GPR149: variants seen among roughly 807,000 people sequenced by gnomAD.
GPR149 encodes G protein-coupled receptor 149, also known as probable G protein-coupled receptor 149.
GPR149 carries 50 observed loss-of-function variants against 50.2 expected under a neutral mutation model. That is an observed-to-expected ratio of 1.00 (90% CI 0.79 to 1.26). The LOEUF is 1.26. Ranked by LOEUF, GPR149 falls within the 50% of genes most tolerant of loss-of-function variation. The pLI, the probability that GPR149 is intolerant of heterozygous loss-of-function variation, is 0.00. For missense variants in GPR149, 983 were observed against 895.4 expected (o/e 1.10, Z -1.25); for synonymous variants, 405 against 358.2 (o/e 1.13, Z -1.48).
intron 3 of GPR149, among the ~76,000 whole-genome samples, chr3:154,392,000 A>G (rs917579429): frequency 1.3e-5 from 2 of 151,572 alleles, no homozygotes; most frequent in Non-Finnish European, 3.0e-5. Flanking sequence ...CCAACATCAG[A>G]GCACTTAAAT....
At chr3:154,369,539 C>T (rs890298144) in intron 3 of GPR149, among the ~76,000 whole-genome samples, 7 of 152,170 alleles carry the variant, frequency 4.6e-5, no homozygotes, top group African/African-American at 9.7e-5. Flanking sequence ...CTCCTCCATC[C>T]GGTCCCACCG....
In GPR149 at chr3:154,382,249, T is replaced by C. The variant is rs190755429; in HGVS notation, c.1623+38790A>G. ...AGAGGAGTTGGGTCTTAGAGCTATGTGGCACCATTTGGGTAGGGCAAGGCA... is the reference window on the plus strand; with the variant it reads ...AGAGGAGTTGGGTCTTAGAGCTATGCGGCACCATTTGGGTAGGGCAAGGCA... On this transcript the variant is annotated intron_variant, in intron 3 of 3. Transcript: ENST00000389740. 4.7e-3 allele frequency among the ~76,000 whole-genome samples: 721 copies of C among 152,286 alleles called. 23 individuals carry two copies. Among genetic ancestry groups the C allele is most frequent in the Admixed American group, 0.044 (666 of 15,292 alleles).
At chr3:154,418,396 C>G (rs1350270572) in intron 3 of GPR149, among the ~76,000 whole-genome samples, 1 of 112,076 alleles carries the variant, frequency 8.9e-6, no homozygotes, top group African/African-American at 4.0e-5. Context: ...TTCACAATAG[C>G]AAAGACTTGG....
At chr3:154,365,205 G>T (rs1714501851) in intron 3 of GPR149, among the ~76,000 whole-genome samples, 1 of 152,158 alleles carries the variant, frequency 6.6e-6, no homozygotes, top group Non-Finnish European at 1.5e-5. Flanking sequence ...CCCCACAGCT[G>T]GGAGCAGTTC....
At chr3:154,373,847 A>G (rs999343173) in intron 3 of GPR149, among the ~76,000 whole-genome samples, 3 of 152,212 alleles carry the variant, frequency 2.0e-5, no homozygotes, top group African/African-American at 7.2e-5. Context: ...AATAGAGTAA[A>G]TGATTGTTCA....
At chr3:154,354,309 G>C in intron 3 of GPR149, 1 of 313,792 alleles carries the variant, frequency 3.2e-6, no homozygotes, top group South Asian at 3.4e-5. Context: ...TATAAGGGAA[G>C]TACAGGTCTA....
chr3:154,393,970 T>C (rs979519027), intron 3 of GPR149, among the ~76,000 whole-genome samples: 4 of 152,120 alleles, frequency 2.6e-5, no homozygotes, highest in Middle Eastern at 3.4e-3. Flanking sequence ...TTAATATTGT[T>C]AAAATGTCTA....
intron 3 of GPR149, chr3:154,352,400 A>G (rs1714102069): frequency 1.9e-6 from 2 of 1,031,620 alleles, no homozygotes; most frequent in South Asian, 2.6e-5. Flanking sequence ...TCCAGTTGGA[A>G]TCGTGCCACA....
chr3:154,366,684 C>G (rs546399579), intron 3 of GPR149, among the ~76,000 whole-genome samples: 2 of 152,342 alleles, frequency 1.3e-5, no homozygotes, highest in South Asian at 4.1e-4. Context: ...CCAGTCAGAA[C>G]ATCTTTGAAT....
intron 3 of GPR149, among the ~76,000 whole-genome samples, chr3:154,340,217 C>A (rs994200963): frequency 7.2e-5 from 11 of 152,108 alleles, no homozygotes; most frequent in Non-Finnish European, 1.5e-4. Flanking sequence ...CATAAGGAGA[C>A]CTAGGAACCT....
intron 3 of GPR149, among the ~76,000 whole-genome samples, chr3:154,409,137 T>C (rs1711770112): frequency 6.6e-6 from 1 of 152,124 alleles, no homozygotes; most frequent in Admixed American, 6.5e-5. Context: ...AAACAATCAC[T>C]ACAGTTTGGC....
At chr3:154,355,090 C>T (rs1225844688) in intron 3 of GPR149, among the ~76,000 whole-genome samples, 2 of 152,050 alleles carry the variant, frequency 1.3e-5, no homozygotes, top group Admixed American at 6.6e-5. Flanking sequence ...TGCAGTGGCG[C>T]GATGTTGGCT....
At chr3:154,413,442 C>G (rs770288744) in intron 3 of GPR149, among the ~76,000 whole-genome samples, 26 of 151,674 alleles carry the variant, frequency 1.7e-4, no homozygotes, top group Non-Finnish European at 3.4e-4. Context: ...ACAAAGAACT[C>G]AAATAGGTCA....
At chr3:154,408,452 G>A (rs1247396439) in intron 3 of GPR149, among the ~76,000 whole-genome samples, 2 of 152,218 alleles carry the variant, frequency 1.3e-5, no homozygotes, top group Non-Finnish European at 2.9e-5. Context: ...GTCACTGGCT[G>A]CCTGGAAATA....
rs143552343 is a variant in GPR149 at position 154,377,515 on chromosome 3, C to T, written c.1624-39244G>A. Among the ~76,000 whole-genome samples, 769 of 151,898 alleles carry T rather than the reference C, an allele frequency of 5.1e-3. 5 individuals are homozygous for T. The highest frequency in any genetic ancestry group is 9.6e-3 in the Admixed American group (147 of 15,246). On this transcript the variant is annotated intron_variant, in intron 3 of 3. Transcript: ENST00000389740. ...CTGAGTGGCTGGGACTACAGGCGTG[C>T]GCCACCATGCCTAGCTAATTTTTGT...
At chr3:154,340,110 T>C (rs940659813) in intron 3 of GPR149, among the ~76,000 whole-genome samples, 3 of 151,994 alleles carry the variant, frequency 2.0e-5, no homozygotes, top group African/African-American at 7.2e-5. Flanking sequence ...ACTTCTTGAA[T>C]TGAGAGACTA....
In GPR149 at chr3:154,337,958, T is replaced by G. The variant is rs1402073288; in HGVS notation, c.1937A>C (p.Gln646Pro). The change falls in exon 4 of 4, where the codon CAA (glutamine) becomes CCA (proline). Residue 646 changes from glutamine to proline, a missense_variant. Transcript: ENST00000389740. ...IISNISQSST[Q>P]VRSPSLRYSR... ...GTAACGTAGGGATGGAGATCTGACT[T>G]GTGTGGAGGACTGACTGATGTTACT... 1 of 1,613,958 alleles carries G rather than the reference T, an allele frequency of 6.2e-7. No homozygotes were observed. Among genetic ancestry groups the G allele is most frequent in the Non-Finnish European group, 8.5e-7 (1 of 1,179,920 alleles).
chr3:154,347,475 C>T lies in GPR149; in HGVS notation c.1624-9204G>A, dbSNP rs546560377. 2.0e-5 allele frequency among the ~76,000 whole-genome samples: 3 copies of T among 152,294 alleles called. No individual in the cohort carries two copies. In the East Asian group the frequency reaches 5.8e-4, roughly 29 times the overall value. ...CATGGGGGTAACTGCCCCCATGATT[C>T]AATTACCTCACACCGGGTTCCTCCC... On this transcript the variant is annotated intron_variant, in intron 3 of 3. Coordinates refer to ENST00000389740, the MANE Select transcript of GPR149 (RefSeq NM_001038705.3).
intron 3 of GPR149, among the ~76,000 whole-genome samples, chr3:154,400,779 C>G (rs994217989): frequency 6.6e-6 from 1 of 152,154 alleles, no homozygotes; most frequent in East Asian, 1.9e-4. Flanking sequence ...TATTTGAAGG[C>G]GATTTAAAGC....
Sources: gnomAD v4.1 joint callset for allele counts (sites outside exome capture counted in the v4.1 genomes callset) on GRCh38, gnomAD v4.1.1 for gene constraint, MANE v1.5 for transcripts, NCBI Gene and HGNC (gene_info 2026-07-23, HGNC 2026-07-21) for gene names.